TRIOBP: variants seen among roughly 807,000 people sequenced by gnomAD.
The protein encoded by TRIOBP is TRIO and F-actin-binding protein.
TRIOBP carries 169 observed loss-of-function variants against 238.8 expected under a neutral mutation model. The observed-to-expected ratio is 0.71, with a 90% CI of 0.62 to 0.80. The LOEUF is 0.80. Among genes scored for constraint, TRIOBP ranks in the 30% least tolerant of loss-of-function variants. TRIOBP has a pLI of 0.00. For synonymous variants in TRIOBP, 1,150 were observed against 1,274.4 expected, an observed-to-expected ratio of 0.90 and a Z score of 2.08; for missense variants, 2,838 against 3,122.6, an observed-to-expected ratio of 0.91 and a Z score of 2.17.
intron 12 of TRIOBP, among the ~76,000 whole-genome samples, chr22:37,754,159 C>T (rs1347482306): frequency 1.3e-5 from 2 of 152,274 alleles, no homozygotes; most frequent in African/African-American, 4.8e-5. Flanking sequence ...CCTGTAATCC[C>T]AGCACTTTGG....
chr22:37,748,784 G>A (rs1005664301), intron 11 of TRIOBP, among the ~76,000 whole-genome samples: 2 of 152,112 alleles, frequency 1.3e-5, no homozygotes, highest in Non-Finnish European at 1.5e-5. Flanking sequence ...CTGGTGGTGC[G>A]GTGAGTGGCA....
chr22:37,746,330 C>T, intron 11 of TRIOBP: 1 of 1,155,132 alleles, frequency 8.7e-7, no homozygotes. Flanking sequence ...GCGGCGGCGG[C>T]GGCGGGGTTC....
At chr22:37,743,153 T>C (rs1360257338) in intron 11 of TRIOBP, among the ~76,000 whole-genome samples, 2 of 152,140 alleles carry the variant, frequency 1.3e-5, no homozygotes, top group East Asian at 1.9e-4. Context: ...AGTGGTTCTC[T>C]CATGTGGGAG....
At chr22:37,758,320 T>G (rs1029261189) in intron 16 of TRIOBP, among the ~76,000 whole-genome samples, 182 bp downstream of exon 16, 1 of 152,196 alleles carries the variant, frequency 6.6e-6, no homozygotes, top group African/African-American at 2.4e-5. Context: ...CTTAGTAGTT[T>G]GGTTTGGTTT....
chr22:37,726,892 CTT>C (rs950508008), intron 7 of TRIOBP, among the ~76,000 whole-genome samples: 3 of 149,134 alleles, frequency 2.0e-5, no homozygotes, highest in Admixed American at 1.4e-4. Flanking sequence ...GGTGAACTGT[CTT>C]TTTATTTTTT....
chr22:37,774,068 G>A lies in TRIOBP; in HGVS notation c.*288G>A, dbSNP rs1295855784. The A allele has an allele frequency of 6.6e-6, 1 of 150,978 alleles. No individual in the cohort carries two copies. The highest frequency in any genetic ancestry group is 2.5e-5 in the African/African-American group (1 of 40,764). The allele number at this position is 150,978 out of a possible 1,614,324, so 9.4% of individuals were successfully genotyped here. A position where few individuals can be genotyped will look rare whatever the true frequency, so the allele number is the denominator to read the frequency against. On this transcript the variant is annotated 3_prime_UTR_variant, in exon 24 of 24. Transcript: ENST00000644935. Reference sequence around the variant, plus strand: ...TTGCACCTTCTTCAGGATTTTATATGTGAAGAGATTTTTATATAGATTTTT... The same window carrying A: ...TTGCACCTTCTTCAGGATTTTATATATGAAGAGATTTTTATATAGATTTTT...
At position 37,726,177 on chromosome 22, in the gene TRIOBP, T is replaced by C; in HGVS notation, c.3621T>C (p.His1207=). ...ESLAPSTDSL[H]GSPVLIPQVC... is the part of the protein sequence containing the mutation. ...TGGCCCCCTCCACTGACTCTCTGCA[T>C]GGCTCCCCAGTGCTGATCCCCCAAG... The change falls in exon 7 of 24, where the codon CAT becomes CAC. Residue 1207 remains histidine, a synonymous_variant. Transcript: ENST00000644935. 6.3e-7 allele frequency: 1 copy of C among 1,577,286 alleles called. No homozygotes were observed. Among genetic ancestry groups the C allele is most frequent in the Non-Finnish European group, 8.6e-7 (1 of 1,162,340 alleles).
intron 2 of TRIOBP, among the ~76,000 whole-genome samples, chr22:37,698,056 C>T (rs1375748994): frequency 6.6e-6 from 1 of 151,494 alleles, no homozygotes; most frequent in Admixed American, 6.6e-5. Context: ...AAAAATTATC[C>T]GGGCATGGTG....
rs758214407 is a variant in TRIOBP at position 37,758,011 on chromosome 22, A to G, written c.6086A>G (p.Lys2029Arg). The G allele has an allele frequency of 6.2e-7, 1 of 1,607,836 alleles. No homozygotes were observed. The highest frequency in any genetic ancestry group is 1.3e-5 in the African/African-American group (1 of 74,806). ...QNRLSEEIEK[K>R]WQELEKLPLR... ...CGGCTTAGTGAGGAGATCGAGAAGA[A>G]GTGGCAGGAGCTGGAGAAGCTGCCC... Residue 2029 changes from lysine to arginine, a missense_variant, in exon 16 of 24, where the codon AAG becomes AGG. Lys to Arg is a conservative substitution (Grantham distance 26). Coordinates refer to ENST00000644935, the MANE Select transcript of TRIOBP (RefSeq NM_001039141.3).
intron 16 of TRIOBP, 151 bp downstream of exon 16, chr22:37,758,289 C>T (rs1926053971): frequency 1.9e-6 from 2 of 1,055,024 alleles, no homozygotes; most frequent in African/African-American, 3.2e-5. Flanking sequence ...CTCCTGCGAA[C>T]TAGAATCTTC....
chr22:37,758,354 C>T (rs1486094422), intron 16 of TRIOBP, among the ~76,000 whole-genome samples: 1 of 152,148 alleles, frequency 6.6e-6, no homozygotes, highest in Non-Finnish European at 1.5e-5. Context: ...CCTAGTTCTG[C>T]CCTTAGCAGC....
In TRIOBP at chr22:37,697,571, C is replaced by G. The variant is rs1192007378; in HGVS notation, c.-169-17C>G. On this transcript the variant is annotated splice_polypyrimidine_tract_variant and intron_variant, in intron 1 of 23. Coordinates refer to ENST00000644935, the MANE Select transcript of TRIOBP (RefSeq NM_001039141.3). ...CACCGTGCCTTGCTGTCGCCCCCAC[C>G]GCATTCCCTTCTCCAGGTCTGATGA... The G allele has an allele frequency of 2.0e-5, 3 of 152,308 alleles. No homozygotes were observed. The highest frequency in any genetic ancestry group is 3.1e-3 in the Middle Eastern group (1 of 320). 9.4% of individuals were successfully genotyped at this position (152,308 alleles called of 1,614,324 possible).
intron 2 of TRIOBP, 104 bp from the exon 3 acceptor site, chr22:37,701,202 C>G: frequency 1.6e-6 from 1 of 627,716 alleles, no homozygotes; most frequent in Non-Finnish European, 2.9e-6. Context: ...GATGAGTAAC[C>G]TTATTTCCTT....
chr22:37,709,919 G>T (rs192868878), intron 3 of TRIOBP, among the ~76,000 whole-genome samples: 1 of 152,280 alleles, frequency 6.6e-6, no homozygotes, highest in East Asian at 1.9e-4. Flanking sequence ...CCATCAAACT[G>T]CCTCTTCCTC....
intron 3 of TRIOBP, among the ~76,000 whole-genome samples, chr22:37,709,044 G>A (rs922651412): frequency 3.9e-5 from 6 of 152,190 alleles, no homozygotes; most frequent in South Asian, 2.1e-4. Flanking sequence ...CGCCAGGCCC[G>A]GCTGTGGATC....
At chr22:37,747,422 TTC>T (rs1423732508) in intron 11 of TRIOBP, among the ~76,000 whole-genome samples, 1 of 152,020 alleles carries the variant, frequency 6.6e-6, no homozygotes, top group Non-Finnish European at 1.5e-5. Context: ...GTAGGCCTCT[TTC>T]AGGGGAGTGG....
In TRIOBP at chr22:37,724,520, G is replaced by A. The variant is rs148083430; in HGVS notation, c.1964G>A (p.Arg655Gln). The change falls in exon 7 of 24, where the codon CGG (arginine) becomes CAG (glutamine). Residue 655 changes from arginine (R) to glutamine (Q), a missense_variant. Around this residue, in one of 5 missense-constraint regions of TRIOBP, gnomAD observed 167 missense variants for 200.2 expected, o/e 0.83. Coordinates refer to ENST00000644935, the MANE Select transcript of TRIOBP (RefSeq NM_001039141.3). ...AGCCCCAGAACATCCTGTGCCCGAC[G>A]GGACGATCCCAGAGCCTCCTCTCCT... is the stretch of plus-strand genomic sequence containing the variant. Reference protein sequence around the residue: ...QDSPRTSCARRDDPRASSPNR... With the variant: ...QDSPRTSCARQDDPRASSPNR... 1.7e-3 allele frequency: 2,778 copies of A among 1,591,822 alleles called. 3 individuals carry two copies. Among genetic ancestry groups the A allele is most frequent in the Non-Finnish European group, 2.1e-3 (2,464 of 1,171,070 alleles).
intron 10 of TRIOBP, 137 bp from the exon 11 acceptor site, chr22:37,740,758 T>C: frequency 7.6e-7 from 1 of 1,310,262 alleles, no homozygotes; most frequent in Admixed American, 2.0e-5. Context: ...GTCTCGGCAG[T>C]TCTGGGAGGA....
intron 22 of TRIOBP, 66 bp downstream of exon 22, chr22:37,771,802 G>A: frequency 6.9e-7 from 1 of 1,441,322 alleles, no homozygotes; most frequent in Non-Finnish European, 9.7e-7. Context: ...CATCCTGTGA[G>A]CACCTGCTCT....
Sources: gnomAD v4.1 joint callset for allele counts (sites outside exome capture counted in the v4.1 genomes callset) on GRCh38, gnomAD v4.1.1 for gene constraint, gnomAD v4.1.1 regional missense constraint, MANE v1.5 for transcripts, NCBI Gene and HGNC (gene_info 2026-07-23, HGNC 2026-07-21) for gene names.